The following UGGT1 variants were observed in gnomAD, a reference collection of about 807,000 sequenced individuals.
The protein encoded by UGGT1 is UDP-glucose:glycoprotein glucosyltransferase 1.
UGGT1 carries 107 observed loss-of-function variants against 203.9 expected under a neutral mutation model. The observed-to-expected ratio is 0.52, with a 90% CI of 0.45 to 0.62. The LOEUF (loss-of-function observed/expected upper bound fraction) is 0.62. UGGT1 is among the 20% of genes least tolerant of loss of function. The pLI is 0.00. For synonymous variants in UGGT1, 628 were observed against 653.5 expected, an observed-to-expected ratio of 0.96 and a Z score of 0.59; for missense variants, 1,673 against 1,867.2, an observed-to-expected ratio of 0.90 and a Z score of 1.92.
chr2:128,117,577 T>C (rs906223213), intron 8 of UGGT1, among the ~76,000 whole-genome samples: 1 of 145,446 alleles, frequency 6.9e-6, no homozygotes, highest in African/African-American at 2.5e-5. Flanking sequence ...GGAGTCTTGC[T>C]CTGTTGCCTA....
In UGGT1 at chr2:128,109,596, A is replaced by G. The variant is rs184238673; in HGVS notation, c.409-38A>G. Reference sequence around the variant, plus strand: ...ACATGTCTTTATCTCGTCTTTGGTTAGAAATTTAAAAAGTATGTGTTGTGT... The same window carrying G: ...ACATGTCTTTATCTCGTCTTTGGTTGGAAATTTAAAAAGTATGTGTTGTGT... On this transcript the variant is annotated intron_variant, in intron 4 of 40. Coordinates refer to ENST00000259253, the MANE Select transcript of UGGT1 (RefSeq NM_020120.4). 42 of 1,510,376 alleles carry G rather than the reference A, an allele frequency of 2.8e-5. No homozygotes were observed. The East Asian group carries it at 8.6e-4, about 31-fold the overall frequency. 93.6% of individuals were successfully genotyped at this position (1,510,376 alleles called of 1,614,324 possible).
intron 26 of UGGT1, among the ~76,000 whole-genome samples, chr2:128,169,091 A>C (rs1200345778): frequency 3.5e-5 from 4 of 112,800 alleles, no homozygotes; most frequent in African/African-American, 1.4e-4. Context: ...AAAAAAAAAA[A>C]GACAAGGACC....
chr2:128,175,732 C>G (rs544463513), intron 31 of UGGT1, among the ~76,000 whole-genome samples: 2 of 152,280 alleles, frequency 1.3e-5, no homozygotes. Flanking sequence ...TTTTGGATGC[C>G]CTGGCCCTTG....
At chr2:128,174,694 GA>G (rs1483132678) in intron 30 of UGGT1, 78 bp from the exon 31 acceptor site, 4 of 1,191,222 alleles carry the variant, frequency 3.4e-6, no homozygotes, top group Non-Finnish European at 4.9e-6. Context: ...TGATATTTCA[GA>G]AATAGAAGTA....
At chr2:128,123,853 T>C (rs1290532836) in intron 11 of UGGT1, among the ~76,000 whole-genome samples, 1 of 152,206 alleles carries the variant, frequency 6.6e-6, no homozygotes, top group Non-Finnish European at 1.5e-5. Flanking sequence ...GTGTTTTTGG[T>C]TTATTTCCTT....
At chr2:128,128,190 A>G (rs72848148) in intron 12 of UGGT1, among the ~76,000 whole-genome samples, 40,004 of 152,058 alleles carry the variant, frequency 0.26, 6,575 homozygotes, top group East Asian at 0.51. Context: ...ATTGCATTCG[A>G]TTGTCTTCAT....
chr2:128,147,259 A>G (rs558675316), intron 18 of UGGT1, among the ~76,000 whole-genome samples: 1 of 152,340 alleles, frequency 6.6e-6, no homozygotes, highest in East Asian at 1.9e-4. Context: ...TCTTCTGTCA[A>G]CTAAAATCTG....
At chr2:128,157,404 G>C in intron 22 of UGGT1, 58 bp downstream of exon 22, 2 of 1,398,506 alleles carry the variant, frequency 1.4e-6, no homozygotes, top group Non-Finnish European at 2.0e-6. Flanking sequence ...GTCTTCATGG[G>C]CTTCGCTGTG....
chr2:128,115,354 T>C (rs984947414), intron 7 of UGGT1, 134 bp downstream of exon 7: 7 of 710,490 alleles, frequency 9.9e-6, no homozygotes, highest in African/African-American at 7.1e-5. Flanking sequence ...TACACCTGAG[T>C]GGGTGACCCT....
chr2:128,100,032 C>A (rs1051332662), intron 2 of UGGT1, among the ~76,000 whole-genome samples: 2 of 87,882 alleles, frequency 2.3e-5, no homozygotes, highest in African/African-American at 4.5e-5. Context: ...CCCCCCCCAC[C>A]CTACTTATTT....
chr2:128,180,807 A>G (rs928938555), intron 35 of UGGT1, 83 bp from the exon 36 acceptor site: 1 of 1,395,722 alleles, frequency 7.2e-7, no homozygotes, highest in African/African-American at 1.4e-5. Context: ...TTTGTCCCGT[A>G]TCATGGTGGT....
chr2:128,108,291 C>A (rs1166530952), intron 4 of UGGT1, among the ~76,000 whole-genome samples: 2 of 151,988 alleles, frequency 1.3e-5, no homozygotes, highest in Non-Finnish European at 2.9e-5. Context: ...AAAAAGACAG[C>A]AATATTTTAT....
At position 128,189,856 on chromosome 2, in the gene UGGT1, A is replaced by C. The variant is rs1008921556; in HGVS notation, c.*114A>C. The C allele has an allele frequency of 1.0e-5, 12 of 1,175,724 alleles. No homozygotes were observed. The African/African-American group carries it at 1.8e-4, about 18-fold the overall frequency. The allele number at this position is 1,175,724 out of a possible 1,614,324, so 72.8% of individuals were successfully genotyped here. A position where few individuals can be genotyped will look rare whatever the true frequency, so the allele number is the denominator to read the frequency against. ...GATAAGCCGGCTGGGCAGGAGTGCC[A>C]CACCTTTTGATTCTGAGCATTTGAT... On this transcript the variant is annotated 3_prime_UTR_variant, in exon 41 of 41. Coordinates refer to ENST00000259253, the MANE Select transcript of UGGT1 (RefSeq NM_020120.4).
Position 128,127,447 on chromosome 2 carries a change from A to C in UGGT1, c.1221A>C (p.Ile407=). ...ACATGGATTTAGATACACAGGATAT[A>C]TTCAGGTATGGATAATATTTTTCAT... ...GLHMDLDTQD[I]FSLFDVLRNE... The change falls in exon 12 of 41, where the codon ATA becomes ATC. Residue 407 remains isoleucine, a synonymous_variant. Coordinates refer to ENST00000259253, the MANE Select transcript of UGGT1 (RefSeq NM_020120.4). The C allele has an allele frequency of 1.2e-6, 2 of 1,607,604 alleles. No homozygotes were observed. Among genetic ancestry groups the C allele is most frequent in the Non-Finnish European group, 1.7e-6 (2 of 1,174,568 alleles).
intron 16 of UGGT1, among the ~76,000 whole-genome samples, chr2:128,141,107 T>G (rs1689400958): frequency 6.6e-6 from 1 of 152,072 alleles, no homozygotes; most frequent in South Asian, 2.1e-4. Context: ...GGAGATCACC[T>G]GAGGTCAGGA....
chr2:128,188,649 A>G lies in UGGT1; in HGVS notation c.4642+1035A>G, dbSNP rs567164108. On this transcript the variant is annotated intron_variant, in intron 40 of 40. Transcript: ENST00000259253. ...TTTAAGATTTATTCTGCTTTAGACTAATTCTAAAAAAGTGGCTGGGCACAG... is the reference window on the plus strand; with the variant it reads ...TTTAAGATTTATTCTGCTTTAGACTGATTCTAAAAAAGTGGCTGGGCACAG... Among the ~76,000 whole-genome samples the G allele has an allele frequency of 2.6e-5, 4 of 152,292 alleles. No individual in the cohort carries two copies. In the East Asian group the frequency reaches 7.7e-4, roughly 29 times the overall value.
chr2:128,104,115 CATT>C, intron 3 of UGGT1, 101 bp downstream of exon 3: 2 of 844,664 alleles, frequency 2.4e-6, no homozygotes, highest in Non-Finnish European at 3.6e-6. Context: ...TAATGGAAAA[CATT>C]GTTGTCTTTA....
In UGGT1 at chr2:128,176,179, C is replaced by G. The variant is rs1435080081; in HGVS notation, c.3540-635C>G. Among the ~76,000 whole-genome samples the G allele has an allele frequency of 2.0e-5, 3 of 152,066 alleles. No individual in the cohort carries two copies. The South Asian group carries it at 6.2e-4, about 32-fold the overall frequency. On this transcript the variant is annotated intron_variant, in intron 31 of 40. Coordinates refer to ENST00000259253, the MANE Select transcript of UGGT1 (RefSeq NM_020120.4). ...CTGTAATCCCAACACTTTGGGAGGC[C>G]GAGGAGGGTGGATCACTTAAGGTCA...
At chr2:128,142,977 C>CA (rs982571530) in intron 16 of UGGT1, 117 bp from the exon 17 acceptor site, 113,593 of 833,346 alleles carry the variant, frequency 0.14, 23 homozygotes, top group Middle Eastern at 0.16. Context: ...AACTCCGTCT[C>CA]AAAAAAAAAA....
Sources: allele counts gnomAD v4.1 joint callset (sites outside exome capture counted in the v4.1 genomes callset), GRCh38; gene constraint gnomAD v4.1.1; transcripts MANE v1.5; gene names NCBI Gene and HGNC (gene_info 2026-07-23, HGNC 2026-07-21).